BMP7: variants seen among roughly 807,000 people sequenced by gnomAD.
BMP7 encodes osteogenic protein 1.
BMP7 carries 12 observed loss-of-function variants against 41.2 expected under a neutral mutation model. The ratio of observed to expected loss-of-function variants is 0.29; its 90% CI spans 0.19 to 0.47. The LOEUF is 0.47. BMP7 is among the 20% of genes least tolerant of loss of function. The probability of loss-of-function intolerance (pLI) is 0.99; values close to 1 mark genes in which losing one functional copy is unlikely to be tolerated. For synonymous variants in BMP7, 248 were observed against 250.0 expected (o/e 0.99, Z 0.07); for missense variants, 467 against 606.0 (o/e 0.77, Z 2.41).
At chr20:57,229,496 G>A (rs1205790883) in intron 1 of BMP7, among the ~76,000 whole-genome samples, 1 of 152,182 alleles carries the variant, frequency 6.6e-6, no homozygotes, top group Non-Finnish European at 1.5e-5. Flanking sequence ...GTTTCTGGGT[G>A]GGGACCTGTG....
At position 57,215,495 on chromosome 20, in the gene BMP7, C is replaced by G. The variant is rs1984990681; in HGVS notation, c.611+12734G>C. 1 of 152,240 alleles carries G rather than the reference C, an allele frequency of 6.6e-6. No homozygotes were observed. Among genetic ancestry groups the G allele is most frequent in the African/African-American group, 2.4e-5 (1 of 41,450 alleles). The allele number at this position is 152,240 out of a possible 1,614,324, so 9.4% of individuals were successfully genotyped here. On this transcript the variant is annotated intron_variant, in intron 2 of 6. Coordinates refer to ENST00000395863, the MANE Select transcript of BMP7 (RefSeq NM_001719.3). The surrounding 1 kb of genome is among the most constrained non-coding windows in gnomAD (Gnocchi z 4.2). ...CTGGAAAACTGGAGGCTCTACTGTT[C>G]CATTCAACCCAGGCATGATCCATCC...
intron 3 of BMP7, among the ~76,000 whole-genome samples, chr20:57,188,878 G>A (rs1393948805): frequency 1.3e-5 from 2 of 152,214 alleles, no homozygotes; most frequent in East Asian, 3.9e-4. Flanking sequence ...CTTTGAGCTG[G>A]TCCACGGCAA....
At chr20:57,201,699 C>T (rs1984624108) in intron 3 of BMP7, among the ~76,000 whole-genome samples, 1 of 152,228 alleles carries the variant, frequency 6.6e-6, no homozygotes, top group South Asian at 2.1e-4. Flanking sequence ...AGAAGCTACA[C>T]AGCTGGAAAC....
At chr20:57,230,806 G>A (rs1158683405) in intron 1 of BMP7, among the ~76,000 whole-genome samples, 2 of 151,414 alleles carry the variant, frequency 1.3e-5, no homozygotes, top group Admixed American at 1.3e-4. Context: ...CCTCCCAAGT[G>A]GCTGGGACTA....
At chr20:57,258,418 C>G (rs577575291) in intron 1 of BMP7, among the ~76,000 whole-genome samples, 1 of 152,338 alleles carries the variant, frequency 6.6e-6, no homozygotes, top group African/African-American at 2.4e-5. Context: ...TTGTGCAGTT[C>G]TGTTAATGAA....
intron 1 of BMP7, among the ~76,000 whole-genome samples, chr20:57,239,104 T>C (rs960872774): frequency 6.6e-6 from 1 of 152,106 alleles, no homozygotes; most frequent in African/African-American, 2.4e-5. Context: ...AACTCAAAAG[T>C]CCACAGTCCA....
chr20:57,203,518 C>G (rs1440623607), intron 2 of BMP7, among the ~76,000 whole-genome samples: 1 of 147,854 alleles, frequency 6.8e-6, no homozygotes, highest in African/African-American at 2.5e-5. Context: ...GATGGGTGGG[C>G]GGGTAGGTGA....
intron 2 of BMP7, chr20:57,226,039 G>T: frequency 2.3e-6 from 1 of 443,184 alleles, no homozygotes. Flanking sequence ...GGCACCCCCA[G>T]CCCAAGTTGC....
intron 2 of BMP7, among the ~76,000 whole-genome samples, chr20:57,208,016 A>G (rs1423192697): frequency 6.6e-6 from 1 of 151,574 alleles, no homozygotes; most frequent in African/African-American, 2.4e-5. Flanking sequence ...TTTTTAGTAG[A>G]GACGGGGTTT....
At chr20:57,252,048 C>G (rs2066115855) in intron 1 of BMP7, among the ~76,000 whole-genome samples, 1 of 152,228 alleles carries the variant, frequency 6.6e-6, no homozygotes, top group Non-Finnish European at 1.5e-5. Flanking sequence ...AAGAGCCAGA[C>G]AGAAACTATT....
chr20:57,211,525 C>G (rs1290528085), intron 2 of BMP7, among the ~76,000 whole-genome samples: 11 of 145,874 alleles, frequency 7.5e-5, no homozygotes, highest in African/African-American at 3.1e-4. Context: ...ATGCCACCTC[C>G]CAGGCCCTGA....
At chr20:57,217,288 G>A (rs549200585) in intron 2 of BMP7, among the ~76,000 whole-genome samples, 158 of 152,292 alleles carry the variant, frequency 1.0e-3, no homozygotes, top group Non-Finnish European at 1.8e-3. Context: ...CTGCTATTGA[G>A]GACACCTCAA....
chr20:57,231,808 C>T (rs897182780), intron 1 of BMP7, among the ~76,000 whole-genome samples: 7 of 152,252 alleles, frequency 4.6e-5, no homozygotes, highest in Admixed American at 6.5e-5. Context: ...AGCTTCAGAG[C>T]AGCCCCACTG....
At chr20:57,242,058 C>T (rs969180433) in intron 1 of BMP7, among the ~76,000 whole-genome samples, 5 of 152,162 alleles carry the variant, frequency 3.3e-5, no homozygotes, top group African/African-American at 9.7e-5. Context: ...GAGGGAGGAA[C>T]GCAGTCTCCA....
chr20:57,176,504 G>A (rs1983924806), intron 4 of BMP7, among the ~76,000 whole-genome samples: 1 of 152,152 alleles, frequency 6.6e-6, no homozygotes, highest in South Asian at 2.1e-4. Context: ...CCTTAGAGGT[G>A]TAGACCCTGG....
intron 2 of BMP7, among the ~76,000 whole-genome samples, chr20:57,218,616 G>A (rs574680851): frequency 6.6e-6 from 1 of 151,926 alleles, no homozygotes; most frequent in African/African-American, 2.4e-5. Context: ...TTTGTTCAGT[G>A]GTAGCTGGTG....
intron 3 of BMP7, among the ~76,000 whole-genome samples, chr20:57,198,902 CAGG>C (rs1984562077): frequency 6.6e-6 from 1 of 152,190 alleles, no homozygotes; most frequent in South Asian, 2.1e-4. Context: ...AGCAAGGCCC[CAGG>C]AGGTGTCCGG....
At chr20:57,189,827 G>A (rs1984308329) in intron 3 of BMP7, among the ~76,000 whole-genome samples, 1 of 152,228 alleles carries the variant, frequency 6.6e-6, no homozygotes, top group Admixed American at 6.5e-5. Context: ...GCACATCGGT[G>A]AATGAGAACA....
At chr20:57,212,468 C>T (rs956424845) in intron 2 of BMP7, among the ~76,000 whole-genome samples, 5 of 152,160 alleles carry the variant, frequency 3.3e-5, no homozygotes, top group Non-Finnish European at 7.3e-5. Context: ...CCAGCTGACT[C>T]GCTCCCCGAC....
Sources: gnomAD v4.1 joint callset for allele counts (sites outside exome capture counted in the v4.1 genomes callset) on GRCh38, gnomAD v4.1.1 for gene constraint, Gnocchi (gnomAD v3.1) non-coding constraint, MANE v1.5 for transcripts, NCBI Gene and HGNC (gene_info 2026-07-23, HGNC 2026-07-21) for gene names.